GLRA3: variants seen among roughly 807,000 people sequenced by gnomAD.
GLRA3 encodes the protein glycine receptor alpha 3.
A neutral mutation model predicts 60.4 loss-of-function variants in GLRA3; 44 were observed. The ratio of observed to expected loss-of-function variants is 0.73; its 90% CI spans 0.57 to 0.94. GLRA3 has a LOEUF of 0.94. GLRA3 is among the 40% of genes least tolerant of loss of function. The pLI, the probability that GLRA3 is intolerant of heterozygous loss-of-function variation, is 0.00. For missense variants in GLRA3, 508 were observed against 564.6 expected (o/e 0.90, Z 1.02); for synonymous variants, 223 against 192.9 (o/e 1.16, Z -1.29).
chr4:174,756,106 C>T (rs1161292901), intron 3 of GLRA3, among the ~76,000 whole-genome samples: 6 of 152,208 alleles, frequency 3.9e-5, no homozygotes, highest in Middle Eastern at 3.4e-3. Flanking sequence ...GAACTTGGAA[C>T]TTAAAACCTT....
chr4:174,675,400 C>T (rs1402297418), intron 7 of GLRA3, among the ~76,000 whole-genome samples: 1 of 152,106 alleles, frequency 6.6e-6, no homozygotes, highest in Non-Finnish European at 1.5e-5. Context: ...GCATCCTCTA[C>T]TCACATTTCC....
chr4:174,820,273 G>A (rs1370852698), intron 1 of GLRA3, among the ~76,000 whole-genome samples: 1 of 152,120 alleles, frequency 6.6e-6, no homozygotes, highest in African/African-American at 2.4e-5. Context: ...CAAATTCCTC[G>A]TCAAATGTTC....
chr4:174,737,801 G>A (rs7689159), intron 3 of GLRA3, among the ~76,000 whole-genome samples: 3 of 152,044 alleles, frequency 2.0e-5, no homozygotes, highest in Admixed American at 1.3e-4. Context: ...CGTGAGCCAC[G>A]GTGCCCAGCC....
chr4:174,802,012 G>A (rs2111343853), intron 1 of GLRA3, among the ~76,000 whole-genome samples: 1 of 150,966 alleles, frequency 6.6e-6, no homozygotes, highest in East Asian at 1.9e-4. Flanking sequence ...AAATATTTTT[G>A]AAATAAATAT....
chr4:174,739,075 T>A (rs1414923902), intron 3 of GLRA3, among the ~76,000 whole-genome samples: 2 of 152,242 alleles, frequency 1.3e-5, no homozygotes, highest in Non-Finnish European at 2.9e-5. Flanking sequence ...ATGTTTGTTT[T>A]GTATAAACCA....
chr4:174,816,272 G>A (rs140198328), intron 1 of GLRA3, among the ~76,000 whole-genome samples: 22 of 152,206 alleles, frequency 1.4e-4, no homozygotes, highest in Admixed American at 5.2e-4. Flanking sequence ...TGGCACAGCC[G>A]GATCCCAAAG....
chr4:174,732,786 T>C (rs928123045), intron 3 of GLRA3, among the ~76,000 whole-genome samples: 1 of 152,052 alleles, frequency 6.6e-6, no homozygotes, highest in East Asian at 1.9e-4. Flanking sequence ...TCTATATATA[T>C]ATATATTTAT....
chr4:174,664,348 C>T (rs182317884), intron 7 of GLRA3, among the ~76,000 whole-genome samples: 3 of 152,188 alleles, frequency 2.0e-5, no homozygotes, highest in Admixed American at 1.3e-4. Flanking sequence ...CTGTCTCCCA[C>T]GCCTCAAACT....
At chr4:174,780,641 A>G (rs1454231714) in intron 2 of GLRA3, among the ~76,000 whole-genome samples, 5 of 151,420 alleles carry the variant, frequency 3.3e-5, no homozygotes, top group Admixed American at 3.3e-4. Flanking sequence ...AATGGAAAAC[A>G]AAAAAAGTCA....
At chr4:174,753,635 T>C (rs1043319596) in intron 3 of GLRA3, among the ~76,000 whole-genome samples, 1 of 152,188 alleles carries the variant, frequency 6.6e-6, no homozygotes, top group Admixed American at 6.5e-5. Flanking sequence ...AATCTGATCA[T>C]TTCTATGTTA....
intron 3 of GLRA3, among the ~76,000 whole-genome samples, chr4:174,761,471 A>G (rs1250977624): frequency 6.6e-6 from 1 of 152,158 alleles, no homozygotes; most frequent in Non-Finnish European, 1.5e-5. Flanking sequence ...GCATCTATGT[A>G]CACCGACACC....
At chr4:174,824,105 C>T (rs1231013583) in intron 1 of GLRA3, among the ~76,000 whole-genome samples, 1 of 152,148 alleles carries the variant, frequency 6.6e-6, no homozygotes, top group Non-Finnish European at 1.5e-5. Flanking sequence ...TAGCTGAGGC[C>T]AGGAAACCTA....
chr4:174,772,122 G>A (rs1461090050), intron 2 of GLRA3, among the ~76,000 whole-genome samples: 2 of 152,188 alleles, frequency 1.3e-5, no homozygotes. Flanking sequence ...GGCTCAAATA[G>A]TAAGGCCGAT....
intron 3 of GLRA3, among the ~76,000 whole-genome samples, chr4:174,756,749 A>G (rs2111210196): frequency 1.3e-5 from 2 of 149,694 alleles, no homozygotes; most frequent in East Asian, 4.0e-4. Flanking sequence ...GGTTCACGCC[A>G]TTCTCCTGCC....
rs1732658396 is a variant in GLRA3, at chr4:174,642,778, T to C, written c.*1008A>G. ...ATAGGAGTTGAGACCCATAAAACAT[T>C]GATGGGAAAATGGTTTTTATTAAAA... On this transcript the variant is annotated 3_prime_UTR_variant, in exon 10 of 10. Coordinates refer to ENST00000274093, the MANE Select transcript of GLRA3 (RefSeq NM_006529.4). The C allele has an allele frequency of 1.3e-6, 1 of 794,962 alleles. No individual in the cohort carries two copies. The highest frequency in any genetic ancestry group is 1.9e-5 in the African/African-American group (1 of 53,554). 49.2% of individuals were successfully genotyped at this position (794,962 alleles called of 1,614,324 possible).
At chr4:174,727,229 T>A in intron 4 of GLRA3, among the ~76,000 whole-genome samples, 1 of 152,178 alleles carries the variant, frequency 6.6e-6, no homozygotes, top group East Asian at 1.9e-4. Context: ...ATAAAACCAC[T>A]TTGCAGAAAA....
chr4:174,803,224 A>G (rs1262185093), intron 1 of GLRA3, among the ~76,000 whole-genome samples: 1 of 152,094 alleles, frequency 6.6e-6, no homozygotes, highest in Non-Finnish European at 1.5e-5. Flanking sequence ...ATAACTTCCT[A>G]AAAATTGTCT....
intron 1 of GLRA3, among the ~76,000 whole-genome samples, chr4:174,790,649 CCTGAACCAATAATACT>C (rs1158520318): frequency 6.6e-6 from 1 of 151,400 alleles, no homozygotes; most frequent in East Asian, 2.0e-4. Context: ...TTTATCTTGA[CCTGAACCAATAATACT>C]CTGCCTCCTT....
intron 3 of GLRA3, among the ~76,000 whole-genome samples, chr4:174,749,745 T>C (rs1478761102): frequency 6.6e-6 from 1 of 152,080 alleles, no homozygotes; most frequent in African/African-American, 2.4e-5. Flanking sequence ...CTCCTGAATG[T>C]GTATCTTATC....
Sources: gnomAD v4.1 joint callset for allele counts (sites outside exome capture counted in the v4.1 genomes callset) on GRCh38, gnomAD v4.1.1 for gene constraint, MANE v1.5 for transcripts, NCBI Gene and HGNC (gene_info 2026-07-23, HGNC 2026-07-21) for gene names.